The following FANCM variants were observed in gnomAD, a reference collection of about 807,000 sequenced individuals.
FANCM encodes Fanconi anemia group M protein.
A neutral mutation model predicts 199.5 loss-of-function variants in FANCM; 140 were observed. That is an observed-to-expected ratio of 0.70 (90% CI 0.61 to 0.81). The LOEUF (loss-of-function observed/expected upper bound fraction) is 0.81. FANCM is among the 30% of genes least tolerant of loss of function. FANCM has a pLI of 0.00. For synonymous variants in FANCM, 840 were observed against 836.8 expected (o/e 1.00, Z -0.07); for missense variants, 2,410 against 2,421.4 (o/e 1.00, Z 0.10).
intron 18 of FANCM, 65 bp downstream of exon 18, chr14:45,185,438 T>C (rs1889341814): frequency 2.1e-6 from 2 of 969,174 alleles, no homozygotes; most frequent in African/African-American, 1.7e-5. Flanking sequence ...TTAAATATTT[T>C]AATCAGTTTT....
rs909419420 is a variant in FANCM at position 45,162,810 on chromosome 14, ATTCT to A, written c.1582-1546_1582-1543del. Among the ~76,000 whole-genome samples the A allele has an allele frequency of 5.9e-5, 9 of 152,264 alleles. No individual in the cohort carries two copies. In the East Asian group the frequency reaches 9.7e-4, roughly 16 times the overall value. On this transcript the variant is annotated intron_variant, in intron 9 of 22. Transcript: ENST00000267430. Reference sequence around the variant, plus strand: ...CATGTTAACTAAAAAGAAAATTGACATTCTTTATTAATCTGTTAGTTATATTAAG... The same window carrying A: ...CATGTTAACTAAAAAGAAAATTGACATTATTAATCTGTTAGTTATATTAAG...
chr14:45,170,560 C>A (rs761338468), intron 11 of FANCM, 29 bp from the exon 12 acceptor site: 2 of 1,542,026 alleles, frequency 1.3e-6, no homozygotes, highest in Admixed American at 1.7e-5. Context: ...TTTAAAAAGT[C>A]TCTTTTCCAT....
intron 18 of FANCM, 24 bp downstream of exon 18, chr14:45,185,397 A>C: frequency 1.4e-6 from 2 of 1,421,498 alleles, no homozygotes; most frequent in Non-Finnish European, 1.9e-6. Context: ...TGATCCTTAA[A>C]ATTTTTTTCA....
chr14:45,198,619 C>T (rs765591832), intron 21 of FANCM, 25 bp from the exon 22 acceptor site: 4 of 1,571,566 alleles, frequency 2.5e-6, no homozygotes, highest in Admixed American at 3.4e-5. Context: ...CTGAAGTTTG[C>T]CTTTCCCTAA....
chr14:45,148,398 T>C (rs1394732573), intron 3 of FANCM, among the ~76,000 whole-genome samples: 1 of 152,170 alleles, frequency 6.6e-6, no homozygotes, highest in Non-Finnish European at 1.5e-5. Context: ...TTTATAAGCT[T>C]TGGGTACATG....
At chr14:45,177,433 C>T (rs979894402) in intron 14 of FANCM, among the ~76,000 whole-genome samples, 6 of 151,784 alleles carry the variant, frequency 4.0e-5, no homozygotes, top group Admixed American at 1.3e-4. Flanking sequence ...CTCTTGTTGC[C>T]CAGGCTGGAG....
chr14:45,176,466 A>G lies in FANCM; in HGVS notation c.3712A>G (p.Ser1238Gly), dbSNP rs777599133. 1.2e-6 allele frequency: 2 copies of G among 1,611,812 alleles called. No individual in the cohort carries two copies. Among genetic ancestry groups the G allele is most frequent in the African/African-American group, 1.3e-5 (1 of 74,816 alleles). ...TGTTACCTTTGATTTAGGATTCTGT[A>G]GTCCAGATTCTGATGATGAAATATT... ...FSVTFDLGFCSPDSDDEILEH... is the reference protein window; with the variant it reads ...FSVTFDLGFCGPDSDDEILEH... Residue 1238 changes from serine to glycine, a missense_variant, in exon 14 of 23, where the codon AGT (serine) becomes GGT (glycine). By Grantham distance (56) the Ser-to-Gly change is moderately conservative. Coordinates refer to ENST00000267430, the MANE Select transcript of FANCM (RefSeq NM_020937.4).
intron 3 of FANCM, among the ~76,000 whole-genome samples, chr14:45,148,208 C>T (rs1184859330): frequency 2.6e-5 from 4 of 151,292 alleles, no homozygotes; most frequent in Non-Finnish European, 4.4e-5. Flanking sequence ...AAAACACACA[C>T]ACACACACAC....
intron 11 of FANCM, among the ~76,000 whole-genome samples, chr14:45,167,781 T>C (rs944736951): frequency 6.6e-6 from 1 of 152,160 alleles, no homozygotes; most frequent in Non-Finnish European, 1.5e-5. Flanking sequence ...TTTTAAACAA[T>C]CATAAAAATC....
intron 8 of FANCM, among the ~76,000 whole-genome samples, chr14:45,156,247 T>TG (rs1887181723): frequency 6.6e-6 from 1 of 152,138 alleles, no homozygotes; most frequent in Non-Finnish European, 1.5e-5. Flanking sequence ...GTAGGGTGCT[T>TG]GGTGTGATTA....
At position 45,176,993 on chromosome 14, in the gene FANCM, A is replaced by C. The variant is rs1566767342; in HGVS notation, c.4222+17A>C. 1 of 1,432,156 alleles carries C rather than the reference A, an allele frequency of 7.0e-7. No individual in the cohort carries two copies. The allele number at this position is 1,432,156 out of a possible 1,614,324, so 88.7% of individuals were successfully genotyped here. ...CTGTTGAAGGTAAGATTCCATCTTT[A>C]TAAAGTCTATAACTCTTTCTAGAAT... On this transcript the variant is annotated intron_variant, in intron 14 of 22. Transcript: ENST00000267430.
chr14:45,199,435 G>C (rs1890243211), intron 22 of FANCM, among the ~76,000 whole-genome samples: 1 of 152,154 alleles, frequency 6.6e-6, no homozygotes, highest in African/African-American at 2.4e-5. Context: ...ATCATGGCTG[G>C]GTTCTGGAGA....
In FANCM at chr14:45,136,498, A is replaced by T; in HGVS notation, c.467A>T (p.Gln156Leu). The T allele has an allele frequency of 6.2e-7, 1 of 1,614,168 alleles. No homozygotes were observed. Among genetic ancestry groups the T allele is most frequent in the Non-Finnish European group, 8.5e-7 (1 of 1,180,022 alleles). The change falls in exon 1 of 23, where the codon CAG (glutamine) becomes CTG (leucine). Residue 156 changes from glutamine to leucine, a missense_variant. Gln to Leu is a moderately radical substitution (Grantham distance 113, BLOSUM62 -2). Coordinates refer to ENST00000267430, the MANE Select transcript of FANCM (RefSeq NM_020937.4). ...LVTQQIEACYQVMGIPQSHMA... is the reference protein window; with the variant it reads ...LVTQQIEACYLVMGIPQSHMA... ...ACACAGCAGATCGAGGCTTGCTACC[A>T]GGTGATGGGTATCCCGCAATCCCAC...
intron 20 of FANCM, among the ~76,000 whole-genome samples, chr14:45,191,940 G>T (rs1038227534): frequency 2.6e-5 from 4 of 151,700 alleles, no homozygotes; most frequent in Non-Finnish European, 5.9e-5. Context: ...TGACCTTGTT[G>T]TCATGTTTAG....
At position 45,149,102 on chromosome 14, in the gene FANCM, AATTG is replaced by A. The variant is rs1886637546; in HGVS notation, c.918+110_918+113del. 1.5e-5 allele frequency: 15 copies of A among 979,882 alleles called. No homozygotes were observed. The South Asian group carries it at 2.0e-4, about 13-fold the overall frequency. 60.7% of individuals were successfully genotyped at this position (979,882 alleles called of 1,614,324 possible). A position where few individuals can be genotyped will look rare whatever the true frequency, so the allele number is the denominator to read the frequency against. ...TAATATAGTTATCTTATTTTTATAT[AATTG>A]ATATGTTGAAAAAATTCTTTGAAGT... On this transcript the variant is annotated intron_variant, in intron 4 of 22. Transcript: ENST00000267430.
chr14:45,192,686 T>C (rs1215635513), intron 20 of FANCM, among the ~76,000 whole-genome samples: 1 of 151,902 alleles, frequency 6.6e-6, no homozygotes, highest in Non-Finnish European at 1.5e-5. Flanking sequence ...AAAATTAGCC[T>C]GGCATGCTGG....
chr14:45,195,520 G>C (rs1370023003), intron 20 of FANCM: 2 of 456,466 alleles, frequency 4.4e-6, no homozygotes, highest in Non-Finnish European at 8.8e-6. Flanking sequence ...CATGCCCTCT[G>C]CCTCTGCAAA....
At chr14:45,144,831 C>T (rs1886249007) in intron 3 of FANCM, among the ~76,000 whole-genome samples, 1 of 152,092 alleles carries the variant, frequency 6.6e-6, no homozygotes, top group Admixed American at 6.5e-5. Context: ...TTGCCCTTCC[C>T]CACTGTGGCT....
At chr14:45,141,218 G>C (rs1885902837) in intron 3 of FANCM, among the ~76,000 whole-genome samples, 1 of 150,280 alleles carries the variant, frequency 6.7e-6, no homozygotes, top group Non-Finnish European at 1.5e-5. Flanking sequence ...AACTCGGGAG[G>C]CGGAGCTTGC....
Sources: gnomAD v4.1 joint callset for allele counts (sites outside exome capture counted in the v4.1 genomes callset) on GRCh38, gnomAD v4.1.1 for gene constraint, MANE v1.5 for transcripts, NCBI Gene and HGNC (gene_info 2026-07-23, HGNC 2026-07-21) for gene names.